Variants in BRINP1 observed in about 807,000 individuals in gnomAD.
The protein encoded by BRINP1 is BMP/retinoic acid inducible neural specific 1.
BRINP1 carries 17 observed loss-of-function variants against 72.9 expected under a neutral mutation model. The ratio of observed to expected loss-of-function variants is 0.23; its 90% confidence interval spans 0.16 to 0.35. BRINP1 has a LOEUF of 0.35. Ranked by LOEUF, BRINP1 falls within the 10% of genes least tolerant of loss-of-function variation. BRINP1 has a pLI of 1.00. For missense variants in BRINP1, 850 were observed against 1,001.6 expected, an observed-to-expected ratio of 0.85 and a Z score of 2.04; for synonymous variants, 418 against 378.5, an observed-to-expected ratio of 1.10 and a Z score of -1.21.
rs1051242438 is a variant in BRINP1, at chr9:119,318,850, T to G, written c.-50-5445A>C. Among the ~76,000 whole-genome samples, 898 of 99,474 alleles carry G rather than the reference T, an allele frequency of 9.0e-3. 12 individuals are homozygous for G. Among genetic ancestry groups the G allele is most frequent in the East Asian group, 0.034 (50 of 1,474 alleles). 65.3% of individuals were successfully genotyped at this position (99,474 alleles called of 152,430 possible). A position where few individuals can be genotyped will look rare whatever the true frequency, so the allele number is the denominator to read the frequency against. ...ATGGAAGAGAAATGTGTGGGGTGTG[T>G]GTGTGTGTGTGTGTGTGTGTGTGTG... On this transcript the variant is annotated intron_variant, in intron 1 of 7. Coordinates refer to ENST00000265922, the MANE Select transcript of BRINP1 (RefSeq NM_014618.3).
chr9:119,205,707 A>G (rs1829847420), intron 7 of BRINP1, among the ~76,000 whole-genome samples: 1 of 152,066 alleles, frequency 6.6e-6, no homozygotes, highest in Non-Finnish European at 1.5e-5. Context: ...AGCATATCTG[A>G]TGATGCTTGG....
chr9:119,238,904 G>T, intron 4 of BRINP1, 144 bp from the exon 5 acceptor site: 2 of 568,092 alleles, frequency 3.5e-6, no homozygotes, highest in Non-Finnish European at 3.1e-6. Flanking sequence ...CTTCGTGCTT[G>T]TGTCTGGGAC....
rs186617009 is a variant in BRINP1, at chr9:119,213,964, T to C, written c.877A>G (p.Met293Val). Reference sequence around the variant, plus strand: ...TAAGCTTCGGCCCAAGACTTGGCCATGTTGGCCAGCGTGTACTCCATGATC... The same window carrying C: ...TAAGCTTCGGCCCAAGACTTGGCCACGTTGGCCAGCGTGTACTCCATGATC... ...IQIMEYTLAN[M>V]AKSWAEAYKD... The change falls in exon 6 of 8, where the codon ATG becomes GTG. Residue 293 changes from methionine to valine, a missense_variant. By Grantham distance (21) the Met-to-Val change is conservative (BLOSUM62 1). Coordinates refer to ENST00000265922, the MANE Select transcript of BRINP1 (RefSeq NM_014618.3). 4 of 1,614,202 alleles carry C rather than the reference T, an allele frequency of 2.5e-6. No homozygotes were observed. The highest frequency in any genetic ancestry group is 4.5e-5 in the East Asian group (2 of 44,868).
chr9:119,170,140 T>G (rs1678054767), intron 7 of BRINP1, among the ~76,000 whole-genome samples: 1 of 152,014 alleles, frequency 6.6e-6, no homozygotes, highest in Non-Finnish European at 1.5e-5. Flanking sequence ...AGAATGACTT[T>G]GACGAGCTGA....
At chr9:119,294,853 T>TAAAAAAA (rs59715609) in intron 2 of BRINP1, among the ~76,000 whole-genome samples, 32,702 of 126,078 alleles carry the variant, frequency 0.26, 4,759 homozygotes, top group Non-Finnish European at 0.35. Context: ...GACACTACGT[T>TAAAAAAA]AAAAAAAAAA....
chr9:119,286,927 C>T (rs1475988307), intron 2 of BRINP1, among the ~76,000 whole-genome samples: 3 of 152,106 alleles, frequency 2.0e-5, no homozygotes, highest in Admixed American at 1.3e-4. Flanking sequence ...TTTTTCTAGA[C>T]CTAAAGATCC....
intron 1 of BRINP1, among the ~76,000 whole-genome samples, chr9:119,349,941 T>G (rs1339610790): frequency 6.6e-6 from 1 of 152,228 alleles, no homozygotes; most frequent in East Asian, 1.9e-4. Flanking sequence ...ATGAACACTC[T>G]CCAGCATTTG....
intron 1 of BRINP1, among the ~76,000 whole-genome samples, chr9:119,341,373 G>T (rs191947191): frequency 6.6e-6 from 1 of 152,188 alleles, no homozygotes; most frequent in Non-Finnish European, 1.5e-5. Context: ...TGTTCATTTG[G>T]GTGTCACGAT....
At chr9:119,249,859 G>GAA (rs1830362441) in intron 2 of BRINP1, among the ~76,000 whole-genome samples, 1 of 89,518 alleles carries the variant, frequency 1.1e-5, no homozygotes, top group African/African-American at 4.6e-5. Flanking sequence ...AGGAAGGGAG[G>GAA]GAGGGAGGGA....
chr9:119,246,448 G>C (rs556309576), intron 3 of BRINP1, among the ~76,000 whole-genome samples: 12 of 152,122 alleles, frequency 7.9e-5, no homozygotes, highest in African/African-American at 2.9e-4. Context: ...CTTGAACATC[G>C]GACTCCAAGT....
chr9:119,347,767 C>T (rs561378452), intron 1 of BRINP1, among the ~76,000 whole-genome samples: 10 of 152,224 alleles, frequency 6.6e-5, no homozygotes, highest in South Asian at 2.1e-4. Context: ...AATGCTCTCC[C>T]GACCCCATTA....
chr9:119,366,858 C>T (rs1831697892), intron 1 of BRINP1, among the ~76,000 whole-genome samples: 1 of 151,846 alleles, frequency 6.6e-6, no homozygotes, highest in African/African-American at 2.4e-5. Flanking sequence ...ATTCTCATTC[C>T]CTCTTTAGGC....
intron 1 of BRINP1, among the ~76,000 whole-genome samples, chr9:119,341,273 C>T (rs1386195849): frequency 1.3e-5 from 2 of 152,172 alleles, no homozygotes; most frequent in African/African-American, 2.4e-5. Flanking sequence ...AATGGAGACT[C>T]GATTTTTCAT....
intron 5 of BRINP1, among the ~76,000 whole-genome samples, chr9:119,220,146 A>G (rs1228171261): frequency 2.0e-5 from 3 of 152,230 alleles, no homozygotes; most frequent in Admixed American, 1.3e-4. Context: ...CATTTCTTAT[A>G]GTACAAGAAA....
chr9:119,223,237 G>A (rs921939706), intron 5 of BRINP1, among the ~76,000 whole-genome samples: 9 of 152,050 alleles, frequency 5.9e-5, no homozygotes, highest in African/African-American at 2.2e-4. Context: ...TGATTGTGGT[G>A]GGGGTTACAT....
intron 7 of BRINP1, among the ~76,000 whole-genome samples, chr9:119,168,480 G>C (rs1829348313): frequency 6.8e-5 from 10 of 147,296 alleles, no homozygotes; most frequent in Admixed American, 6.6e-4. Context: ...TGAAGGGGTT[G>C]GAGTAAATGT....
At chr9:119,212,213 G>C (rs2118875299) in intron 6 of BRINP1, among the ~76,000 whole-genome samples, 1 of 152,316 alleles carries the variant, frequency 6.6e-6, no homozygotes, top group South Asian at 2.1e-4. Flanking sequence ...GTAGGAGCAG[G>C]ATCCCTGATG....
At chr9:119,227,687 C>G (rs754563318) in intron 5 of BRINP1, among the ~76,000 whole-genome samples, 2 of 151,980 alleles carry the variant, frequency 1.3e-5, no homozygotes, top group Non-Finnish European at 2.9e-5. Flanking sequence ...GATGATTCAC[C>G]CCAAAGCTGC....
At chr9:119,175,950 C>T (rs1222968676) in intron 7 of BRINP1, among the ~76,000 whole-genome samples, 4 of 152,196 alleles carry the variant, frequency 2.6e-5, no homozygotes, top group Non-Finnish European at 5.9e-5. Flanking sequence ...ATCCTGGCTC[C>T]TCCACCTGCA....
Sources: allele counts gnomAD v4.1 joint callset (sites outside exome capture counted in the v4.1 genomes callset), GRCh38; gene constraint gnomAD v4.1.1; transcripts MANE v1.5; gene names NCBI Gene and HGNC (gene_info 2026-07-23, HGNC 2026-07-21).